Variants in FBXO34 observed in about 807,000 individuals in gnomAD.
The protein encoded by FBXO34 is F-box only protein 34.
A neutral mutation model predicts 24.5 loss-of-function variants in FBXO34; 12 were observed. That is an observed-to-expected ratio of 0.49 (90% confidence interval 0.31 to 0.79). The LOEUF (loss-of-function observed/expected upper bound fraction) is 0.79. Ranked by LOEUF, FBXO34 falls within the 30% of genes least tolerant of loss-of-function variation. The pLI is 0.04. For missense variants in FBXO34, 823 were observed against 857.7 expected, an observed-to-expected ratio of 0.96 and a Z score of 0.51; for synonymous variants, 320 against 311.9, an observed-to-expected ratio of 1.03 and a Z score of -0.27.
At chr14:55,407,359 G>A in the FBXO34 span, among the ~76,000 whole-genome samples, 2 of 152,204 alleles carry the variant, frequency 1.3e-5, no homozygotes, top group African/African-American at 2.4e-5. Flanking sequence ...TCGGTCTCTT[G>A]ACCTTGTAAT....
At chr14:55,395,871 T>G in the FBXO34 span, 1 of 1,160,122 alleles carries the variant, frequency 8.6e-7, no homozygotes, top group Non-Finnish European at 1.2e-6. Context: ...TAATTAAAAA[T>G]AATTTTATAA....
chr14:55,341,065 C>T (rs74359225), intron 1 of FBXO34, among the ~76,000 whole-genome samples: 1 of 152,056 alleles, frequency 6.6e-6, no homozygotes, highest in Non-Finnish European at 1.5e-5. Context: ...AGGACCATCG[C>T]GATAAGTATA....
chr14:55,396,379 T>C, the FBXO34 span, among the ~76,000 whole-genome samples: 1 of 152,228 alleles, frequency 6.6e-6, no homozygotes, highest in Non-Finnish European at 1.5e-5. Context: ...AAATGTTCTA[T>C]GGGAAAAATA....
chr14:55,289,181 TC>T (rs1283919495), intron 1 of FBXO34, among the ~76,000 whole-genome samples: 5 of 152,210 alleles, frequency 3.3e-5, no homozygotes, highest in African/African-American at 9.6e-5. Context: ...TTCTCTTTTT[TC>T]CCCCCTTTCC....
chr14:55,436,525 C>G, the FBXO34 span: 3 of 1,554,278 alleles, frequency 1.9e-6, no homozygotes, highest in East Asian at 6.7e-5. Context: ...AAATGTGTAC[C>G]CAATGTGCTC....
chr14:55,362,425 A>G (rs913361456), downstream of FBXO34, among the ~76,000 whole-genome samples: 4 of 152,240 alleles, frequency 2.6e-5, no homozygotes, highest in African/African-American at 9.6e-5. Flanking sequence ...ATACCACTGG[A>G]AAAATGGCGC....
the FBXO34 span, chr14:55,424,357 A>T: frequency 1.5e-6 from 1 of 675,252 alleles, no homozygotes; most frequent in Non-Finnish European, 2.5e-6. Flanking sequence ...GCAGTTGTAA[A>T]TAAGTTAGCT....
chr14:55,283,976 C>G (rs200305543), intron 1 of FBXO34, among the ~76,000 whole-genome samples: 2,908 of 107,810 alleles, frequency 0.027, 85 homozygotes, highest in African/African-American at 0.09. Flanking sequence ...GTGTGTGTGT[C>G]TGTGTGTGTG....
chr14:55,394,824 A>T, the FBXO34 span: 1 of 304,606 alleles, frequency 3.3e-6, no homozygotes, highest in African/African-American at 2.2e-5. Flanking sequence ...GGATATAAAA[A>T]CTAACCCCCC....
At chr14:55,349,607 CTTT>C (rs57284715) in intron 1 of FBXO34, among the ~76,000 whole-genome samples, 6 of 116,626 alleles carry the variant, frequency 5.1e-5, no homozygotes, top group Admixed American at 1.9e-4. Flanking sequence ...CAATAATTTT[CTTT>C]TTTTTTTTTT....
At chr14:55,275,334 A>T (rs1316219184) in intron 1 of FBXO34, among the ~76,000 whole-genome samples, 2 of 152,190 alleles carry the variant, frequency 1.3e-5, no homozygotes, top group Non-Finnish European at 2.9e-5. Flanking sequence ...AAGTGTGGTT[A>T]TTGCATTATT....
At chr14:55,294,134 A>T (rs1882041442) in intron 1 of FBXO34, among the ~76,000 whole-genome samples, 1 of 151,836 alleles carries the variant, frequency 6.6e-6, no homozygotes. Flanking sequence ...TGCACTTCTA[A>T]GCTTCCTTAC....
chr14:55,390,077 C>CA, the FBXO34 span, among the ~76,000 whole-genome samples: 2 of 150,208 alleles, frequency 1.3e-5, no homozygotes, highest in East Asian at 2.0e-4. Flanking sequence ...CATTCCTTAA[C>CA]TTTTTTTTTT....
At chr14:55,348,278 G>A (rs1207929884) in intron 1 of FBXO34, among the ~76,000 whole-genome samples, 1 of 151,978 alleles carries the variant, frequency 6.6e-6, no homozygotes, top group Non-Finnish European at 1.5e-5. Context: ...GCCCAGGCTA[G>A]AGTATAGCAG....
downstream of FBXO34, among the ~76,000 whole-genome samples, chr14:55,370,373 CAGTG>C (rs1250869719): frequency 2.6e-5 from 4 of 151,130 alleles, no homozygotes; most frequent in African/African-American, 7.3e-5. Flanking sequence ...AAAGAAAACT[CAGTG>C]GGTTCCTGTA....
chr14:55,436,973 G>A, the FBXO34 span: 2 of 1,614,054 alleles, frequency 1.2e-6, no homozygotes, highest in Admixed American at 1.7e-5. Context: ...ATATCATAAG[G>A]TACAACTGGG....
the FBXO34 span, among the ~76,000 whole-genome samples, chr14:55,393,085 T>A: frequency 3.3e-5 from 5 of 152,254 alleles, no homozygotes; most frequent in African/African-American, 1.2e-4. Context: ...AAATTTTAAG[T>A]ATAATGAAAT....
the FBXO34 span, among the ~76,000 whole-genome samples, chr14:55,434,428 C>A: frequency 6.6e-6 from 1 of 152,160 alleles, no homozygotes; most frequent in Non-Finnish European, 1.5e-5. Flanking sequence ...CACCCCAACT[C>A]CTCTCCCCGG....
the FBXO34 span, among the ~76,000 whole-genome samples, chr14:55,432,666 A>G: frequency 8.5e-5 from 13 of 152,246 alleles, no homozygotes; most frequent in Non-Finnish European, 1.5e-4. Context: ...AATTTAGCAA[A>G]TATAAAAAGA....
Sources: gnomAD v4.1 joint callset for allele counts (sites outside exome capture counted in the v4.1 genomes callset) on GRCh38, gnomAD v4.1.1 for gene constraint, MANE v1.5 for transcripts, NCBI Gene and HGNC (gene_info 2026-07-23, HGNC 2026-07-21) for gene names.